VDAC1: variants seen among roughly 807,000 people sequenced by gnomAD.
VDAC1 encodes the protein non-selective voltage-gated ion channel VDAC1.
VDAC1 carries 10 observed loss-of-function variants against 34.7 expected under a neutral mutation model. The ratio of observed to expected loss-of-function variants is 0.29; its 90% CI spans 0.18 to 0.49. The LOEUF (loss-of-function observed/expected upper bound fraction) is 0.49. Ranked by LOEUF, VDAC1 falls within the 20% of genes least tolerant of loss-of-function variation. The pLI is 0.99. For synonymous variants in VDAC1, 130 were observed against 136.0 expected (o/e 0.96, Z 0.30); for missense variants, 230 against 347.9 (o/e 0.66, Z 2.69).
chr5:134,054,985 C>A, the VDAC1 span, among the ~76,000 whole-genome samples: 1 of 152,226 alleles, frequency 6.6e-6, no homozygotes, highest in Admixed American at 6.5e-5. Flanking sequence ...TCTGGTCGTT[C>A]CTTTATTGTT....
chr5:133,997,707 CAAAA>C (rs67591375), intron 1 of VDAC1, among the ~76,000 whole-genome samples: 4 of 58,370 alleles, frequency 6.9e-5, no homozygotes, highest in Non-Finnish European at 1.2e-4. Flanking sequence ...GACTGTCTCA[CAAAA>C]AAAAAAAAAA....
chr5:134,110,484 G>C, the VDAC1 span, among the ~76,000 whole-genome samples: 421 of 152,292 alleles, frequency 2.8e-3, 18 homozygotes, highest in South Asian at 0.082. Flanking sequence ...GCACACACAT[G>C]GACACACACG....
At chr5:134,008,371 C>T (rs1753788941), upstream of VDAC1, among the ~76,000 whole-genome samples, 1 of 152,174 alleles carries the variant, frequency 6.6e-6, no homozygotes, top group South Asian at 2.1e-4. Flanking sequence ...TGTTTTCTTC[C>T]AGATGCTAAC....
chr5:134,020,770 G>A, the VDAC1 span, among the ~76,000 whole-genome samples: 37 of 151,882 alleles, frequency 2.4e-4, no homozygotes, highest in African/African-American at 7.2e-4. Flanking sequence ...TCCGCCTCCC[G>A]GGTTCACGCC....
At chr5:134,091,617 T>C in the VDAC1 span, among the ~76,000 whole-genome samples, 1 of 152,186 alleles carries the variant, frequency 6.6e-6, no homozygotes, top group Non-Finnish European at 1.5e-5. Context: ...CCACTAGGTC[T>C]GCAGACACAT....
At chr5:133,990,654 T>G (rs1389214572) in intron 5 of VDAC1, among the ~76,000 whole-genome samples, 1 of 152,196 alleles carries the variant, frequency 6.6e-6, no homozygotes, top group East Asian at 1.9e-4. Context: ...AATTAGGAAG[T>G]GCTCATTATA....
the VDAC1 span, among the ~76,000 whole-genome samples, chr5:134,030,070 G>A: frequency 1.3e-5 from 2 of 152,144 alleles, no homozygotes; most frequent in East Asian, 3.8e-4. Flanking sequence ...GCCGGGCACG[G>A]TGGCTCACAC....
the VDAC1 span, among the ~76,000 whole-genome samples, chr5:134,060,622 A>G: frequency 1.3e-5 from 2 of 151,842 alleles, no homozygotes; most frequent in Non-Finnish European, 2.9e-5. Flanking sequence ...CATTCAGAAT[A>G]GAGCTTGCTT....
At chr5:134,075,612 C>G in the VDAC1 span, among the ~76,000 whole-genome samples, 2 of 152,174 alleles carry the variant, frequency 1.3e-5, no homozygotes, top group African/African-American at 2.4e-5. Flanking sequence ...GAGACAGAGT[C>G]TCGCTCTGTT....
At chr5:134,113,433 C>G in the VDAC1 span, among the ~76,000 whole-genome samples, 8 of 152,244 alleles carry the variant, frequency 5.3e-5, no homozygotes, top group African/African-American at 1.7e-4. Flanking sequence ...TGGGCCTGGA[C>G]CCGGAGGGAG....
At chr5:134,077,562 T>G in the VDAC1 span, among the ~76,000 whole-genome samples, 1 of 152,224 alleles carries the variant, frequency 6.6e-6, no homozygotes, top group Non-Finnish European at 1.5e-5. Flanking sequence ...CACGCTGGCA[T>G]GCCCCATAAA....
At chr5:133,979,578 C>T (rs375405873) in intron 6 of VDAC1, among the ~76,000 whole-genome samples, 1 of 151,618 alleles carries the variant, frequency 6.6e-6, no homozygotes, top group African/African-American at 2.4e-5. Context: ...TACAGGCACC[C>T]GCCACCACGC....
chr5:134,054,455 TTCC>T, the VDAC1 span, among the ~76,000 whole-genome samples: 48 of 85,616 alleles, frequency 5.6e-4, no homozygotes, highest in Admixed American at 9.6e-4. Flanking sequence ...TCTTCCTTCC[TTCC>T]TTTTTTTTTT....
chr5:134,044,651 G>C, the VDAC1 span, among the ~76,000 whole-genome samples: 1 of 151,904 alleles, frequency 6.6e-6, no homozygotes, highest in Non-Finnish European at 1.5e-5. Context: ...ATTGCTATCT[G>C]TGTGTGTGTG....
the VDAC1 span, among the ~76,000 whole-genome samples, chr5:134,106,533 G>A: frequency 1.3e-5 from 2 of 151,646 alleles, no homozygotes; most frequent in Admixed American, 6.6e-5. Context: ...TCAGCCTCCC[G>A]AGTATCTGGG....
the VDAC1 span, among the ~76,000 whole-genome samples, chr5:134,090,373 G>A: frequency 6.6e-6 from 1 of 152,202 alleles, no homozygotes; most frequent in Non-Finnish European, 1.5e-5. Flanking sequence ...AGTTTCATAT[G>A]TGCAAGCCCC....
At chr5:134,069,778 G>A in the VDAC1 span, among the ~76,000 whole-genome samples, 3 of 152,180 alleles carry the variant, frequency 2.0e-5, no homozygotes, top group African/African-American at 4.8e-5. Flanking sequence ...GACCTACTGG[G>A]TTGCATTGCC....
intron 5 of VDAC1, among the ~76,000 whole-genome samples, chr5:133,982,219 T>C (rs2126928982): frequency 6.6e-6 from 1 of 152,316 alleles, no homozygotes; most frequent in Middle Eastern, 3.4e-3. Flanking sequence ...CTAGGCATTA[T>C]AATGACACTC....
At chr5:134,105,467 C>G in the VDAC1 span, among the ~76,000 whole-genome samples, 1 of 152,218 alleles carries the variant, frequency 6.6e-6, no homozygotes, top group East Asian at 1.9e-4. Flanking sequence ...ACCTACCTCT[C>G]TGGGCTGCTG....
Sources: gnomAD v4.1 joint callset for allele counts (sites outside exome capture counted in the v4.1 genomes callset) on GRCh38, gnomAD v4.1.1 for gene constraint, MANE v1.5 for transcripts, NCBI Gene and HGNC (gene_info 2026-07-23, HGNC 2026-07-21) for gene names.